PCDHA6: variants seen among roughly 807,000 people sequenced by gnomAD.
PCDHA6 encodes the protein protocadherin alpha-6.
PCDHA6 carries 55 observed loss-of-function variants against 60.3 expected under a neutral mutation model. The ratio of observed to expected loss-of-function variants is 0.91; its 90% CI spans 0.73 to 1.14. The LOEUF is 1.14. Among genes scored for constraint, PCDHA6 ranks in the 50% most tolerant of loss-of-function variants. The pLI, the probability that PCDHA6 is intolerant of heterozygous loss-of-function variation, is 0.00. For missense variants in PCDHA6, 1,327 were observed against 1,256.5 expected, an observed-to-expected ratio of 1.06 and a Z score of -0.85; for synonymous variants, 652 against 557.9, an observed-to-expected ratio of 1.17 and a Z score of -2.38.
At chr5:140,952,797 C>T (rs782258698) in intron 1 of PCDHA6, among the ~76,000 whole-genome samples, 1 of 152,142 alleles carries the variant, frequency 6.6e-6, no homozygotes. Flanking sequence ...TTAACTGGCT[C>T]GCAGTTCTGC....
chr5:140,934,833 G>C (rs1584817572), intron 1 of PCDHA6, among the ~76,000 whole-genome samples: 1 of 152,100 alleles, frequency 6.6e-6, no homozygotes, highest in Admixed American at 6.5e-5. Context: ...GGCAAGTTGG[G>C]AACTGTTCAG....
chr5:140,862,833 G>A (rs868966696), intron 1 of PCDHA6: 1 of 575,582 alleles, frequency 1.7e-6, no homozygotes, highest in Non-Finnish European at 3.3e-6. Flanking sequence ...CGCGCGACGC[G>A]GGCATGCCGC....
intron 1 of PCDHA6, among the ~76,000 whole-genome samples, chr5:140,956,920 T>C (rs2095320734): frequency 1.3e-5 from 2 of 152,120 alleles, no homozygotes; most frequent in Non-Finnish European, 2.9e-5. Flanking sequence ...ACTTTAATCT[T>C]GCTGGATATA....
At chr5:141,004,391 G>A (rs62384511) in intron 3 of PCDHA6, among the ~76,000 whole-genome samples, 4 of 152,342 alleles carry the variant, frequency 2.6e-5, no homozygotes, top group East Asian at 3.9e-4. Flanking sequence ...AGCTGGACAT[G>A]TGGAGGAGGC....
intron 1 of PCDHA6, among the ~76,000 whole-genome samples, chr5:140,977,624 T>C (rs139722248): frequency 6.6e-6 from 1 of 152,088 alleles, no homozygotes. Flanking sequence ...TATCCCAGAG[T>C]TGTAACTTTT....
chr5:140,882,886 G>C, intron 1 of PCDHA6: 1 of 1,614,200 alleles, frequency 6.2e-7, no homozygotes, highest in Non-Finnish European at 8.5e-7. Context: ...AGGAAATTCA[G>C]GAACATAGTT....
At chr5:140,928,356 C>A in intron 1 of PCDHA6, 1 of 1,614,176 alleles carries the variant, frequency 6.2e-7, no homozygotes, top group South Asian at 1.1e-5. Context: ...TGGATGTTAT[C>A]TCTGAAGGGC....
At chr5:140,877,686 G>C in intron 1 of PCDHA6, 1 of 1,613,818 alleles carries the variant, frequency 6.2e-7, no homozygotes, top group South Asian at 1.1e-5. Context: ...GCAAGCCCAC[G>C]CTGGTGTGCT....
intron 1 of PCDHA6, among the ~76,000 whole-genome samples, chr5:140,881,751 A>G (rs974973794): frequency 6.6e-6 from 1 of 152,206 alleles, no homozygotes; most frequent in Non-Finnish European, 1.5e-5. Flanking sequence ...GGACAGTACC[A>G]CAAAAACCTA....
chr5:140,886,753 G>A (rs1434667485), intron 1 of PCDHA6, among the ~76,000 whole-genome samples: 3 of 151,010 alleles, frequency 2.0e-5, no homozygotes, highest in African/African-American at 7.3e-5. Flanking sequence ...TTGAACCCGG[G>A]AGGTGGAGGT....
At chr5:140,895,137 G>A (rs1184479322) in intron 1 of PCDHA6, among the ~76,000 whole-genome samples, 2 of 152,072 alleles carry the variant, frequency 1.3e-5, no homozygotes, top group Non-Finnish European at 2.9e-5. Context: ...CAAGTTCATA[G>A]GGCTAAGACA....
intron 1 of PCDHA6, among the ~76,000 whole-genome samples, chr5:140,976,410 G>C (rs1353790339): frequency 6.6e-6 from 1 of 152,074 alleles, no homozygotes; most frequent in Non-Finnish European, 1.5e-5. Context: ...AATTAGCCAG[G>C]TACGGTGGCA....
chr5:140,986,853 A>G (rs1424493333), intron 3 of PCDHA6, among the ~76,000 whole-genome samples: 3 of 152,206 alleles, frequency 2.0e-5, no homozygotes, highest in Admixed American at 6.5e-5. Flanking sequence ...AGCAACACCA[A>G]CAATACCCGG....
At chr5:140,848,538 C>G in intron 1 of PCDHA6, 1 of 1,595,318 alleles carries the variant, frequency 6.3e-7, no homozygotes. Flanking sequence ...TCAGCCTCTA[C>G]TGCTCTCGCT....
chr5:140,967,963 A>G (rs1554230144), intron 1 of PCDHA6: 1 of 1,614,210 alleles, frequency 6.2e-7, no homozygotes, highest in South Asian at 1.1e-5. Flanking sequence ...CCAACCGGAA[A>G]GTGAGCCTGG....
intron 1 of PCDHA6, chr5:140,850,221 G>A: frequency 1.9e-6 from 3 of 1,593,734 alleles, no homozygotes; most frequent in South Asian, 2.2e-5. Context: ...CACTGACGGC[G>A]CAGTGAGCGA....
chr5:140,912,426 G>T (rs1349647535), intron 1 of PCDHA6, among the ~76,000 whole-genome samples: 1 of 151,784 alleles, frequency 6.6e-6, no homozygotes, highest in Non-Finnish European at 1.5e-5. Flanking sequence ...GTGTATAGCA[G>T]TGTTGCTGAT....
intron 1 of PCDHA6, chr5:140,848,788 G>T: frequency 6.3e-7 from 1 of 1,593,178 alleles, no homozygotes; most frequent in Non-Finnish European, 8.6e-7. Flanking sequence ...CTGTGCGGGC[G>T]GAGCGCGGAG....
At chr5:140,854,330 T>A in intron 1 of PCDHA6, 1 of 213,708 alleles carries the variant, frequency 4.7e-6, no homozygotes, top group Non-Finnish European at 8.0e-6. Flanking sequence ...GCAAACTTAT[T>A]TTACGCTCCA....
Sources: gnomAD v4.1 joint callset for allele counts (sites outside exome capture counted in the v4.1 genomes callset) on GRCh38, gnomAD v4.1.1 for gene constraint, MANE v1.5 for transcripts, NCBI Gene and HGNC (gene_info 2026-07-23, HGNC 2026-07-21) for gene names.